DNAJB4: variants seen among roughly 807,000 people sequenced by gnomAD.
DNAJB4 encodes dnaJ homolog subfamily B member 4.
DNAJB4 carries 10 observed loss-of-function variants against 26.6 expected under a neutral mutation model. That is an observed-to-expected ratio of 0.38 (90% CI 0.23 to 0.64). The LOEUF is 0.64. Among genes scored for constraint, DNAJB4 ranks in the 30% least tolerant of loss-of-function variants. DNAJB4 has a pLI of 0.58. For missense variants in DNAJB4, 328 were observed against 408.2 expected (o/e 0.80, Z 1.69); for synonymous variants, 136 against 134.8 (o/e 1.01, Z -0.06).
chr1:78,004,659 T>A (rs1409241513), upstream of DNAJB4: 1 of 162,836 alleles, frequency 6.1e-6, no homozygotes, highest in African/African-American at 2.4e-5. Context: ...AGTACATAAA[T>A]ATATAGTTGT....
chr1:78,014,023 TTAA>T (rs1660567091), intron 2 of DNAJB4, among the ~76,000 whole-genome samples: 1 of 151,930 alleles, frequency 6.6e-6, no homozygotes, highest in African/African-American at 2.4e-5. Context: ...TACATTTATA[TTAA>T]TAAAAAATAC....
At chr1:77,999,427 C>G (rs1433704092) in intron 1 of DNAJB4, among the ~76,000 whole-genome samples, 1 of 140,470 alleles carries the variant, frequency 7.1e-6, no homozygotes, top group Non-Finnish European at 1.6e-5. Flanking sequence ...AGGCATAGAA[C>G]AGGTTTTTTT....
At chr1:78,005,873 A>G (rs1291771806) in intron 1 of DNAJB4, among the ~76,000 whole-genome samples, 1 of 152,232 alleles carries the variant, frequency 6.6e-6, no homozygotes, top group Non-Finnish European at 1.5e-5. Context: ...CAGAAGGCGC[A>G]GGCATTTAGC....
chr1:77,986,680 G>T (rs536664510), intron 1 of DNAJB4, among the ~76,000 whole-genome samples: 33 of 152,196 alleles, frequency 2.2e-4, no homozygotes, highest in African/African-American at 6.0e-4. Context: ...TTTTGAGTTT[G>T]TTTACTCCTT....
Position 78,017,086 on chromosome 1 carries a change from T to C in DNAJB4, c.*839T>C, listed in dbSNP as rs540176860. The C allele has an allele frequency of 7.2e-4, 110 of 152,182 alleles. No homozygotes were observed. The highest frequency in any genetic ancestry group is 2.5e-3 in the African/African-American group (103 of 41,574). 9.4% of individuals were successfully genotyped at this position (152,182 alleles called of 1,614,324 possible). ...TTAATTTTCCAGTTATACAGTCTTC[T>C]ATAACTTACTAATAATATTCTATAT... On this transcript the variant is annotated 3_prime_UTR_variant, in exon 3 of 3. Coordinates refer to ENST00000370763, the MANE Select transcript of DNAJB4 (RefSeq NM_007034.5).
At position 77,989,548 on chromosome 1, in the gene DNAJB4, A is replaced by G. The variant is rs114805151; in HGVS notation, c.-32+9226A>G. On this transcript the variant is annotated intron_variant, in intron 1 of 2. Transcript: ENST00000426517. The stretch of plus-strand genomic sequence containing the variant: ...ATTCTGAGAGACTAAATGAGGATAC[A>G]TGTGTTTTTAGGTTAATATTTTTTT... 3.5e-3 allele frequency among the ~76,000 whole-genome samples: 540 copies of G among 152,300 alleles called. 1 individual carries two copies. Among genetic ancestry groups the G allele is most frequent in the African/African-American group, 0.013 (524 of 41,560 alleles).
intron 1 of DNAJB4, among the ~76,000 whole-genome samples, chr1:77,996,843 T>C (rs1660073604): frequency 6.6e-6 from 1 of 152,146 alleles, no homozygotes; most frequent in African/African-American, 2.4e-5. Context: ...TCTTGGAGGC[T>C]TACAAATTAT....
At chr1:77,986,213 A>G (rs1659786662) in intron 1 of DNAJB4, among the ~76,000 whole-genome samples, 1 of 152,180 alleles carries the variant, frequency 6.6e-6, no homozygotes, top group Non-Finnish European at 1.5e-5. Context: ...CAGCCCGGGA[A>G]CTTCATCTCA....
intron 1 of DNAJB4, among the ~76,000 whole-genome samples, chr1:77,995,911 A>C (rs1660049811): frequency 6.6e-6 from 1 of 152,188 alleles, no homozygotes; most frequent in Non-Finnish European, 1.5e-5. Context: ...GTGCCATTGC[A>C]CTCCAGCCTG....
rs559733867 is a variant in DNAJB4 at position 78,011,800 on chromosome 1, AC to A, written c.212-1250del. ...CACCTGGCCCTATTTTAATTCCTAA[AC>A]AGTAAAAGATGATCTGAAATAAAAC... On this transcript the variant is annotated intron_variant, in intron 1 of 2. Coordinates refer to ENST00000370763, the MANE Select transcript of DNAJB4 (RefSeq NM_007034.5). Among the ~76,000 whole-genome samples, 1,046 of 151,776 alleles carry A rather than the reference AC, an allele frequency of 6.9e-3. 14 individuals are homozygous for A. The highest frequency in any genetic ancestry group is 0.024 in the African/African-American group (1,003 of 41,462).
chr1:77,980,048 T>A (rs981944915), upstream of DNAJB4: 2 of 152,070 alleles, frequency 1.3e-5, no homozygotes, highest in African/African-American at 4.8e-5. Context: ...ACGTCTGGGC[T>A]AATTTTTTGC....
chr1:77,982,667 G>A (rs924358060), intron 1 of DNAJB4, among the ~76,000 whole-genome samples: 1 of 152,136 alleles, frequency 6.6e-6, no homozygotes, highest in Admixed American at 6.5e-5. Context: ...GCATGGTAGC[G>A]GACGCCTGTA....
chr1:78,009,904 G>T (rs1660424443), intron 1 of DNAJB4, among the ~76,000 whole-genome samples: 1 of 152,206 alleles, frequency 6.6e-6, no homozygotes, highest in Non-Finnish European at 1.5e-5. Context: ...GATTATAGGT[G>T]TGAGCCACTG....
At chr1:77,997,734 AAGTCTT>A (rs1389559482) in intron 1 of DNAJB4, among the ~76,000 whole-genome samples, 1 of 152,094 alleles carries the variant, frequency 6.6e-6, no homozygotes, top group Non-Finnish European at 1.5e-5. Flanking sequence ...TTCTGTTCTG[AAGTCTT>A]TCCTATCCCC....
At chr1:78,012,154 C>CTTT (rs1324763074) in intron 1 of DNAJB4, among the ~76,000 whole-genome samples, 847 of 69,298 alleles carry the variant, frequency 0.012, 115 homozygotes, top group African/African-American at 0.032. Flanking sequence ...TTTTTCTTTT[C>CTTT]TTTTCTTTTT....
At chr1:78,015,969 TGAG>T in intron 2 of DNAJB4, 42 bp from the exon 3 acceptor site, 1 of 1,523,828 alleles carries the variant, frequency 6.6e-7, no homozygotes, top group South Asian at 1.2e-5. Context: ...CTTAGATTTT[TGAG>T]TTTTGAAGTG....
Position 78,017,436 on chromosome 1 carries a change from A to G in DNAJB4, c.*1189A>G, listed in dbSNP as rs1018219562. The G allele has an allele frequency of 2.0e-5, 3 of 152,000 alleles. No homozygotes were observed. The highest frequency in any genetic ancestry group is 4.4e-5 in the Non-Finnish European group (3 of 67,908). 9.4% of individuals were successfully genotyped at this position (152,000 alleles called of 1,614,324 possible). A position where few individuals can be genotyped will look rare whatever the true frequency, so the allele number is the denominator to read the frequency against. Reference sequence around the variant, plus strand: ...ACTGGATCCTATCGCCTTTTAGTAGAATATGAAATATTCTTTTAGAAATCC... The same window carrying G: ...ACTGGATCCTATCGCCTTTTAGTAGGATATGAAATATTCTTTTAGAAATCC... On this transcript the variant is annotated 3_prime_UTR_variant, in exon 3 of 3. Transcript: ENST00000370763.
chr1:77,989,841 G>A (rs1659891179), intron 1 of DNAJB4, among the ~76,000 whole-genome samples: 1 of 152,150 alleles, frequency 6.6e-6, no homozygotes. Context: ...CGTTTTCACT[G>A]TGTCATAGAC....
chr1:77,994,665 T>C lies in DNAJB4; in HGVS notation c.-31-10415T>C, dbSNP rs868252958. Reference sequence around the variant, plus strand: ...TCAGGCCACATATAAGAAAAGAGTATGAGAAGAGACATTTTAGAAAAGATA... The same window carrying C: ...TCAGGCCACATATAAGAAAAGAGTACGAGAAGAGACATTTTAGAAAAGATA... On this transcript the variant is annotated intron_variant, in intron 1 of 2. Coordinates refer to the DNAJB4 transcript ENST00000426517. Among the ~76,000 whole-genome samples, 10 of 151,802 alleles carry C rather than the reference T, an allele frequency of 6.6e-5. No homozygotes were observed. In the South Asian group the frequency reaches 8.3e-4, roughly 13 times the overall value.
Sources: allele counts gnomAD v4.1 joint callset (sites outside exome capture counted in the v4.1 genomes callset), GRCh38; gene constraint gnomAD v4.1.1; transcripts MANE v1.5; gene names NCBI Gene and HGNC (gene_info 2026-07-23, HGNC 2026-07-21).